The following ZNF385B variants were observed in gnomAD, a reference collection of about 807,000 sequenced individuals.
The protein encoded by ZNF385B is zinc finger protein 533.
In ZNF385B, 23 loss-of-function variants were observed where a neutral mutation model predicts 39.2. The observed-to-expected ratio is 0.59, with a 90% CI of 0.42 to 0.83. ZNF385B has a LOEUF of 0.83. Ranked by LOEUF, ZNF385B falls within the 40% of genes least tolerant of loss-of-function variation. The probability of loss-of-function intolerance (pLI) is 0.00; values close to 1 mark genes in which losing one functional copy is unlikely to be tolerated. For missense variants in ZNF385B, 552 were observed against 598.9 expected (o/e 0.92, Z 0.82); for synonymous variants, 205 against 222.6 (o/e 0.92, Z 0.70).
At chr2:179,540,936 G>T (rs986394732) in intron 4 of ZNF385B, among the ~76,000 whole-genome samples, 1 of 152,164 alleles carries the variant, frequency 6.6e-6, no homozygotes, top group Non-Finnish European at 1.5e-5. Flanking sequence ...GGTAGCAATG[G>T]TGAAAATGAG....
chr2:179,704,132 A>G (rs866763982), intron 3 of ZNF385B, among the ~76,000 whole-genome samples: 1 of 152,238 alleles, frequency 6.6e-6, no homozygotes, highest in Non-Finnish European at 1.5e-5. Context: ...ATAAATATAA[A>G]CCAAATCCAG....
intron 3 of ZNF385B, among the ~76,000 whole-genome samples, chr2:179,605,332 G>A (rs1328876839): frequency 6.6e-6 from 1 of 151,902 alleles, no homozygotes; most frequent in African/African-American, 2.4e-5. Flanking sequence ...ATATGCTCTG[G>A]TTTATAAACT....
At chr2:179,576,306 G>C in intron 3 of ZNF385B, 2 of 412,894 alleles carry the variant, frequency 4.8e-6, no homozygotes, top group Non-Finnish European at 6.5e-6. Context: ...CCTCTACTTA[G>C]AATCCTTTTT....
chr2:179,775,878 T>C (rs1010508652), intron 1 of ZNF385B, among the ~76,000 whole-genome samples: 2 of 152,232 alleles, frequency 1.3e-5, no homozygotes, highest in African/African-American at 4.8e-5. Flanking sequence ...TCTCTGCAAA[T>C]TATCTTTTCT....
intron 3 of ZNF385B, among the ~76,000 whole-genome samples, chr2:179,740,956 A>G (rs1702054070): frequency 6.6e-6 from 1 of 152,210 alleles, no homozygotes; most frequent in East Asian, 1.9e-4. Context: ...GAATTTGTCC[A>G]CTAGGGCAAT....
chr2:179,835,095 C>T (rs1038884337), intron 1 of ZNF385B, among the ~76,000 whole-genome samples: 1 of 152,146 alleles, frequency 6.6e-6, no homozygotes, highest in Non-Finnish European at 1.5e-5. Flanking sequence ...AAAATGTAAG[C>T]ATAGGCTGGA....
intron 3 of ZNF385B, among the ~76,000 whole-genome samples, chr2:179,576,871 A>G (rs1273837051): frequency 1.3e-5 from 2 of 152,126 alleles, no homozygotes; most frequent in Non-Finnish European, 2.9e-5. Flanking sequence ...GGTAAGTCCA[A>G]TTGATCATCT....
At chr2:179,608,452 C>T (rs1689007400) in intron 3 of ZNF385B, among the ~76,000 whole-genome samples, 1 of 152,162 alleles carries the variant, frequency 6.6e-6, no homozygotes, top group African/African-American at 2.4e-5. Flanking sequence ...TGCTGAGTGA[C>T]CTGCTGTGCC....
chr2:179,539,419 C>T (rs13424600), intron 4 of ZNF385B, among the ~76,000 whole-genome samples: 7,296 of 152,268 alleles, frequency 0.048, 201 homozygotes, highest in South Asian at 0.088. Context: ...GGGACATAAA[C>T]ATTCAGTTCA....
At chr2:179,495,974 A>T (rs2056158317) in intron 5 of ZNF385B, among the ~76,000 whole-genome samples, 1 of 152,236 alleles carries the variant, frequency 6.6e-6, no homozygotes, top group African/African-American at 2.4e-5. Context: ...TATCCAGGAA[A>T]ACATGACTTC....
intron 3 of ZNF385B, among the ~76,000 whole-genome samples, chr2:179,685,366 C>A (rs1285326652): frequency 1.1e-4 from 16 of 152,156 alleles, no homozygotes; most frequent in Admixed American, 7.2e-4. Flanking sequence ...ATTACATTAT[C>A]CCTTGATGCT....
At chr2:179,459,965 A>G (rs1396106901) in intron 6 of ZNF385B, among the ~76,000 whole-genome samples, 1 of 151,770 alleles carries the variant, frequency 6.6e-6, no homozygotes, top group Non-Finnish European at 1.5e-5. Context: ...TTAGCTGAGC[A>G]TGGTGGCACG....
chr2:179,450,037 C>G (rs1306031951), intron 6 of ZNF385B, among the ~76,000 whole-genome samples: 1 of 151,900 alleles, frequency 6.6e-6, no homozygotes, highest in Non-Finnish European at 1.5e-5. Context: ...GCTGGGAAAA[C>G]TGGCTAGCCA....
intron 3 of ZNF385B, among the ~76,000 whole-genome samples, chr2:179,599,834 A>T (rs1574946669): frequency 1.3e-5 from 2 of 152,184 alleles, no homozygotes; most frequent in Admixed American, 6.6e-5. Context: ...AAAAAATAGA[A>T]TATGGAAGTA....
intron 3 of ZNF385B, among the ~76,000 whole-genome samples, chr2:179,741,648 T>C (rs1040237645): frequency 1.3e-5 from 2 of 152,102 alleles, no homozygotes; most frequent in African/African-American, 4.8e-5. Context: ...ATTAATATTA[T>C]ATTAATATGT....
chr2:179,638,680 A>G (rs1261980718), intron 3 of ZNF385B, among the ~76,000 whole-genome samples: 1 of 152,084 alleles, frequency 6.6e-6, no homozygotes, highest in Non-Finnish European at 1.5e-5. Context: ...CCACTCCAGG[A>G]GCAATACGCA....
chr2:179,616,272 T>C (rs1689727066), intron 3 of ZNF385B, among the ~76,000 whole-genome samples: 1 of 152,198 alleles, frequency 6.6e-6, no homozygotes, highest in Non-Finnish European at 1.5e-5. Flanking sequence ...TGTTAGTTAC[T>C]AGTAATACAA....
At chr2:179,562,641 G>C (rs1007133370) in intron 3 of ZNF385B, 1 of 955,730 alleles carries the variant, frequency 1.0e-6, no homozygotes, top group African/African-American at 1.8e-5. Context: ...AAAACCTTCT[G>C]ATGACACAGA....
At chr2:179,805,541 A>G (rs1433479790) in intron 1 of ZNF385B, among the ~76,000 whole-genome samples, 1 of 152,040 alleles carries the variant, frequency 6.6e-6, no homozygotes, top group East Asian at 1.9e-4. Flanking sequence ...ATTTCTTTTT[A>G]TGTCTGTGTC....
Sources: allele counts gnomAD v4.1 joint callset (sites outside exome capture counted in the v4.1 genomes callset), GRCh38; gene constraint gnomAD v4.1.1; transcripts MANE v1.5; gene names NCBI Gene and HGNC (gene_info 2026-07-23, HGNC 2026-07-21).